The following ADAM21 variants were observed in gnomAD, a reference collection of about 807,000 sequenced individuals.
The protein encoded by ADAM21 is ADAM metallopeptidase domain 21.
For synonymous variants in ADAM21, 262 were observed against 306.0 expected (o/e 0.86, Z 1.50); for missense variants, 678 against 874.4 (o/e 0.78, Z 2.83).
intron 1 of ADAM21, among the ~76,000 whole-genome samples, chr14:70,456,968 T>A (rs1487072895): frequency 1.3e-5 from 2 of 152,196 alleles, no homozygotes; most frequent in Non-Finnish European, 2.9e-5. Context: ...TGTCTCCAGT[T>A]TTGATAGTCA....
chr14:70,452,196 C>T lies in ADAM21; in HGVS notation c.-219C>T, dbSNP rs1889046176. ...TTTGTTCTGTGGCCTCAGCTACAAACCATTGATAAAGCATGGTATAAACCA... is the reference window on the plus strand; with the variant it reads ...TTTGTTCTGTGGCCTCAGCTACAAATCATTGATAAAGCATGGTATAAACCA... On this transcript the variant is annotated 5_prime_UTR_variant, in exon 1 of 2. Coordinates refer to ENST00000603540, the MANE Select transcript of ADAM21 (RefSeq NM_003813.4). 6 of 152,250 alleles carry T rather than the reference C, an allele frequency of 3.9e-5. No individual in the cohort carries two copies. The South Asian group carries it at 1.2e-3, about 32-fold the overall frequency. The allele number at this position is 152,250 out of a possible 1,614,324, so 9.4% of individuals were successfully genotyped here. A position where few individuals can be genotyped will look rare whatever the true frequency, so the allele number is the denominator to read the frequency against.
rs1269936222 is a variant in ADAM21 at position 70,458,884 on chromosome 14, A to T, written c.1385A>T (p.Glu462Val). Residue 462 changes from glutamate to valine, a missense_variant, in exon 2 of 2, where the codon GAA becomes GTA. Glu to Val is a moderately radical substitution (Grantham distance 121, BLOSUM62 -2). Transcript: ENST00000603540. ...GACTGCAAGTTCATGCCATCAGGGGAACTCTGTAGACAAGAGGTCAATGAA... is the reference window on the plus strand; with the variant it reads ...GACTGCAAGTTCATGCCATCAGGGGTACTCTGTAGACAAGAGGTCAATGAA... The part of the protein sequence containing the change: ...CKDCKFMPSG[E>V]LCRQEVNECD... The T allele has an allele frequency of 9.3e-6, 15 of 1,614,114 alleles. 1 individual carries two copies. Among genetic ancestry groups the T allele is most frequent in the Non-Finnish European group, 1.1e-5 (13 of 1,180,028 alleles).
chr14:70,459,809 C>A lies in ADAM21; in HGVS notation c.*141C>A. On this transcript the variant is annotated 3_prime_UTR_variant, in exon 2 of 2. Transcript: ENST00000603540. ...AAGATCTTCCCTTACATTAGTACCA[C>A]AAACATTGTCATTAAGTTCAAGTTA... is the stretch of plus-strand genomic sequence containing the variant. 2 of 927,790 alleles carry A rather than the reference C, an allele frequency of 2.2e-6. No individual in the cohort carries two copies. Among genetic ancestry groups the A allele is most frequent in the African/African-American group, 1.7e-5 (1 of 60,400 alleles). 57.5% of individuals were successfully genotyped at this position (927,790 alleles called of 1,614,324 possible).
chr14:70,458,950 G>A lies in ADAM21; in HGVS notation c.1451G>A (p.Cys484Tyr). The A allele has an allele frequency of 6.2e-7, 1 of 1,614,160 alleles. No individual in the cohort carries two copies. Among genetic ancestry groups the A allele is most frequent in the Non-Finnish European group, 8.5e-7 (1 of 1,180,030 alleles). ...TGGTGCAATGGAACATCTCATCAGT[G>A]TCCAGAAGATAGATATGTGCAGGAC... ...PEWCNGTSHQ[C>Y]PEDRYVQDGI... The change falls in exon 2 of 2, where the codon TGT (cysteine) becomes TAT (tyrosine). Residue 484 changes from cysteine to tyrosine, a missense_variant. Cys to Tyr is a radical substitution (Grantham distance 194). Transcript: ENST00000603540.
At position 70,457,520 on chromosome 14, in the gene ADAM21, C is replaced by A. The variant is rs3751520; in HGVS notation, c.21C>A (p.Leu7=). The A allele has an allele frequency of 0.28, 349,929 of 1,266,254 alleles. 83,520 individuals carry two copies. Among genetic ancestry groups the A allele is most frequent in the African/African-American group, 0.37 (25,180 of 67,708 alleles). The allele number at this position is 1,266,254 out of a possible 1,614,324, so 78.4% of individuals were successfully genotyped here. The change falls in exon 2 of 2, where the codon CTC becomes CTA. Residue 7 remains leucine (L), a synonymous_variant. Transcript: ENST00000603540. ...TCATAATGGCAGTGGATGGGACCCT[C>A]GTGTACATCAGAGTCACTCTTCTGC... MAVDGT[L]VYIRVTLLLL... is the part of the protein sequence containing the mutation.
At chr14:70,453,971 T>C (rs1889072966) in intron 1 of ADAM21, among the ~76,000 whole-genome samples, 1 of 152,194 alleles carries the variant, frequency 6.6e-6, no homozygotes, top group Admixed American at 6.5e-5. Context: ...AGCATCCACA[T>C]AGCCAGTCTA....
At chr14:70,457,321 C>T in intron 1 of ADAM21, 28 bp from the exon 2 acceptor site, 3 of 884,770 alleles carry the variant, frequency 3.4e-6, no homozygotes, top group Admixed American at 2.6e-5. Flanking sequence ...ATCACCTTTC[C>T]AACCCATCTT....
In ADAM21 at chr14:70,458,196, G is replaced by A. The variant is rs762612697; in HGVS notation, c.697G>A (p.Glu233Lys). ...TCAAAGCAACATCTCAAAGGTGCAAGAGGATGTATTTCTTGTTGTCAACAT... is the reference window on the plus strand; with the variant it reads ...TCAAAGCAACATCTCAAAGGTGCAAAAGGATGTATTTCTTGTTGTCAACAT... ...YSQSNISKVQ[E>K]DVFLVVNIVD... is the part of the protein sequence containing the mutation. The change falls in exon 2 of 2, where the codon GAG becomes AAG. Residue 233 changes from glutamate to lysine, a missense_variant. Glu to Lys is a moderately conservative substitution (Grantham distance 56, BLOSUM62 1). Coordinates refer to ENST00000603540, the MANE Select transcript of ADAM21 (RefSeq NM_003813.4). 1.2e-5 allele frequency: 19 copies of A among 1,613,878 alleles called. No individual in the cohort carries two copies. Among genetic ancestry groups the A allele is most frequent in the Non-Finnish European group, 1.6e-5 (19 of 1,180,006 alleles).
chr14:70,458,205 T>C lies in ADAM21; in HGVS notation c.706T>C (p.Phe236Leu), dbSNP rs1882452773. Reference sequence around the variant, plus strand: ...CATCTCAAAGGTGCAAGAGGATGTATTTCTTGTTGTCAACATAGTGGATTC... The same window carrying C: ...CATCTCAAAGGTGCAAGAGGATGTACTTCTTGTTGTCAACATAGTGGATTC... ...SNISKVQEDV[F>L]LVVNIVDSMY... The change falls in exon 2 of 2, where the codon TTT (phenylalanine) becomes CTT (leucine). Residue 236 changes from phenylalanine to leucine, a missense_variant. Phe to Leu is a conservative substitution (Grantham distance 22). Transcript: ENST00000603540. The C allele has an allele frequency of 6.2e-7, 1 of 1,613,948 alleles. No individual in the cohort carries two copies. Among genetic ancestry groups the C allele is most frequent in the Non-Finnish European group, 8.5e-7 (1 of 1,179,986 alleles).
Position 70,458,912 on chromosome 14 carries a change from T to C in ADAM21, c.1413T>C (p.Cys471=). The C allele has an allele frequency of 6.2e-7, 1 of 1,614,160 alleles. No individual in the cohort carries two copies. Among genetic ancestry groups the C allele is most frequent in the South Asian group, 1.1e-5 (1 of 91,068 alleles). ...GELCRQEVNE[C]DLPEWCNGTS... The stretch of plus-strand genomic sequence containing the variant: ...TCTGTAGACAAGAGGTCAATGAATG[T>C]GACCTTCCAGAATGGTGCAATGGAA... The change falls in exon 2 of 2, where the codon TGT becomes TGC. Residue 471 remains cysteine, a synonymous_variant. Coordinates refer to ENST00000603540, the MANE Select transcript of ADAM21 (RefSeq NM_003813.4).
rs1485936777 is a variant in ADAM21, at chr14:70,459,453, C to T, written c.1954C>T (p.His652Tyr). The part of the protein sequence containing the change: ...KGICNNKHHC[H>Y]CGYGWSPPYC... ...GATCTGCAATAACAAACATCACTGCCACTGTGGCTATGGGTGGTCCCCACC... is the reference window on the plus strand; with the variant it reads ...GATCTGCAATAACAAACATCACTGCTACTGTGGCTATGGGTGGTCCCCACC... Residue 652 changes from histidine to tyrosine, a missense_variant, in exon 2 of 2, where the codon CAC (histidine) becomes TAC (tyrosine). Transcript: ENST00000603540. The T allele has an allele frequency of 5.0e-6, 8 of 1,614,108 alleles. No individual in the cohort carries two copies. Among genetic ancestry groups the T allele is most frequent in the Non-Finnish European group, 6.8e-6 (8 of 1,180,040 alleles).
At chr14:70,454,386 C>A (rs1226876936) in intron 1 of ADAM21, among the ~76,000 whole-genome samples, 1 of 151,768 alleles carries the variant, frequency 6.6e-6, no homozygotes, top group Non-Finnish European at 1.5e-5. Context: ...CAGTTCCTGC[C>A]CACCCCCCAT....
chr14:70,459,017 G>T lies in ADAM21; in HGVS notation c.1518G>T (p.Arg506Ser). 6.2e-7 allele frequency: 1 copy of T among 1,614,018 alleles called. No homozygotes were observed. The highest frequency in any genetic ancestry group is 1.7e-5 in the Admixed American group (1 of 60,014). Residue 506 changes from arginine to serine, a missense_variant, in exon 2 of 2, where the codon AGG becomes AGT. By Grantham distance (110) the Arg-to-Ser change is moderately radical. Transcript: ENST00000603540. ...CSDSAYCYQK[R>S]CNNHDQHCRE... is the part of the protein sequence containing the mutation. ...ACAGTGCCTACTGCTATCAAAAGAG[G>T]TGTAATAACCATGACCAGCATTGCA...
At chr14:70,456,109 A>G (rs2139484094) in intron 1 of ADAM21, among the ~76,000 whole-genome samples, 1 of 152,222 alleles carries the variant, frequency 6.6e-6, no homozygotes, top group Middle Eastern at 3.4e-3. Context: ...CAGTCATTTG[A>G]GACTATGATG....
Position 70,459,593 on chromosome 14 carries a change from G to C in ADAM21, c.2094G>C (p.Leu698=), listed in dbSNP as rs766683455. ...VIPSLSVLTF[L]FTVGLLMYLR... ...CTTCTTTGTCTGTTTTGACTTTCCT[G>C]TTTACTGTCGGGCTTCTTATGTATC... Residue 698 remains leucine, a synonymous_variant, in exon 2 of 2, where the codon CTG becomes CTC. Coordinates refer to ENST00000603540, the MANE Select transcript of ADAM21 (RefSeq NM_003813.4). The C allele has an allele frequency of 6.2e-7, 1 of 1,614,152 alleles. No homozygotes were observed. The highest frequency in any genetic ancestry group is 1.1e-5 in the South Asian group (1 of 91,088).
chr14:70,457,160 C>A (rs1422706124), intron 1 of ADAM21, among the ~76,000 whole-genome samples, 189 bp from the exon 2 acceptor site: 1 of 152,202 alleles, frequency 6.6e-6, no homozygotes, highest in Non-Finnish European at 1.5e-5. Context: ...CATCTTCCAA[C>A]TTCAACTATT....
In ADAM21 at chr14:70,458,295, G is replaced by A. The variant is rs751127667; in HGVS notation, c.796G>A (p.Val266Ile). The change falls in exon 2 of 2, where the codon GTT becomes ATT. Residue 266 changes from valine to isoleucine, a missense_variant. Physicochemically the swap from Val to Ile is conservative, Grantham distance 29 (BLOSUM62 3). Transcript: ENST00000603540. The part of the protein sequence containing the change: ...IGIEIWNQGN[V>I]FPMTSIEQVL... Reference sequence around the variant, plus strand: ...AATTGAAATTTGGAATCAAGGAAATGTTTTCCCAATGACAAGCATAGAACA... The same window carrying A: ...AATTGAAATTTGGAATCAAGGAAATATTTTCCCAATGACAAGCATAGAACA... The A allele has an allele frequency of 1.2e-6, 2 of 1,613,922 alleles. No homozygotes were observed. The highest frequency in any genetic ancestry group is 2.7e-5 in the African/African-American group (2 of 74,914).
rs1243499319 is a variant in ADAM21 at position 70,458,361 on chromosome 14, T to G, written c.862T>G (p.Ser288Ala). The change falls in exon 2 of 2, where the codon TCC (serine) becomes GCC (alanine). Residue 288 changes from serine (S) to alanine (A), a missense_variant. Physicochemically the swap from Ser to Ala is moderately conservative, Grantham distance 99. Coordinates refer to ENST00000603540, the MANE Select transcript of ADAM21 (RefSeq NM_003813.4). ...DFSQWKQISL[S>A]QLQHDAAHMF... The stretch of plus-strand genomic sequence containing the variant: ...CTCTCAATGGAAACAAATCAGTCTT[T>G]CCCAGCTACAGCATGATGCTGCACA... The G allele has an allele frequency of 6.2e-7, 1 of 1,614,228 alleles. No homozygotes were observed. Among genetic ancestry groups the G allele is most frequent in the South Asian group, 1.1e-5 (1 of 91,086 alleles).
At position 70,458,367 on chromosome 14, in the gene ADAM21, C is replaced by T; in HGVS notation, c.868C>T (p.Leu290=). 1 of 1,614,208 alleles carries T rather than the reference C, an allele frequency of 6.2e-7. No individual in the cohort carries two copies. The highest frequency in any genetic ancestry group is 8.5e-7 in the Non-Finnish European group (1 of 1,180,036). ...ATGGAAACAAATCAGTCTTTCCCAG[C>T]TACAGCATGATGCTGCACATATGTT... ...SQWKQISLSQ[L]QHDAAHMFIK... Residue 290 remains leucine (L), a synonymous_variant, in exon 2 of 2, where the codon CTA becomes TTA. Transcript: ENST00000603540.
Sources: gnomAD v4.1 joint callset for allele counts (sites outside exome capture counted in the v4.1 genomes callset) on GRCh38, gnomAD v4.1.1 for gene constraint, MANE v1.5 for transcripts, NCBI Gene and HGNC (gene_info 2026-07-23, HGNC 2026-07-21) for gene names.